ROCK2: variants seen among roughly 807,000 people sequenced by gnomAD.
The protein encoded by ROCK2 is Rho associated coiled-coil containing protein kinase 2, also known as rho-associated protein kinase 2.
ROCK2 carries 61 observed loss-of-function variants against 195.1 expected under a neutral mutation model. The observed-to-expected ratio is 0.31, with a 90% CI of 0.25 to 0.39. The LOEUF is 0.39. Ranked by LOEUF, ROCK2 falls within the 10% of genes least tolerant of loss-of-function variation. The probability of loss-of-function intolerance (pLI) is 1.00; values close to 1 mark genes in which losing one functional copy is unlikely to be tolerated. For synonymous variants in ROCK2, 504 were observed against 545.5 expected (o/e 0.92, Z 1.06); for missense variants, 1,109 against 1,637.4 (o/e 0.68, Z 5.57).
Position 11,221,471 on chromosome 2 carries a change from C to T in ROCK2, c.1100-114G>A, listed in dbSNP as rs149109878. 19 of 697,690 alleles carry T rather than the reference C, an allele frequency of 2.7e-5. No individual in the cohort carries two copies. The East Asian group carries it at 5.6e-4, about 21-fold the overall frequency. The allele number at this position is 697,690 out of a possible 1,614,324, so 43.2% of individuals were successfully genotyped here. Reference sequence around the variant, plus strand: ...ATAACACTATATAAATTTGTAGCAGCGCATTTGCCATTTTATCGATTCACA... The same window carrying T: ...ATAACACTATATAAATTTGTAGCAGTGCATTTGCCATTTTATCGATTCACA... On this transcript the variant is annotated intron_variant, in intron 8 of 32. Transcript: ENST00000315872.
At chr2:11,314,538 T>G (rs777322340) in intron 1 of ROCK2, among the ~76,000 whole-genome samples, 1 of 151,986 alleles carries the variant, frequency 6.6e-6, no homozygotes, top group African/African-American at 2.4e-5. Flanking sequence ...CAAAACCCAG[T>G]AAGTTTAGGA....
At chr2:11,321,818 GATAA>G (rs1459994943) in intron 1 of ROCK2, among the ~76,000 whole-genome samples, 3 of 152,192 alleles carry the variant, frequency 2.0e-5, no homozygotes, top group South Asian at 2.1e-4. Flanking sequence ...TTTAAAAATA[GATAA>G]ATAGATGGAT....
At chr2:11,193,627 C>A in intron 30 of ROCK2, 152 bp downstream of exon 30, 1 of 414,040 alleles carries the variant, frequency 2.4e-6, no homozygotes, top group Admixed American at 4.4e-5. Context: ...CACAAAGCAA[C>A]AAACCATCTT....
chr2:11,332,640 T>C (rs1668806710), intron 1 of ROCK2, among the ~76,000 whole-genome samples: 1 of 152,218 alleles, frequency 6.6e-6, no homozygotes, highest in African/African-American at 2.4e-5. Flanking sequence ...TATACATTTC[T>C]AGTGAGAATG....
At chr2:11,196,080 C>T (rs1400783367) in intron 27 of ROCK2, among the ~76,000 whole-genome samples, 3 of 152,128 alleles carry the variant, frequency 2.0e-5, no homozygotes, top group Non-Finnish European at 2.9e-5. Context: ...ATGCTTTACA[C>T]AAATTCTCTT....
intron 3 of ROCK2, among the ~76,000 whole-genome samples, chr2:11,255,587 A>G (rs1666000476): frequency 6.6e-6 from 1 of 151,154 alleles, no homozygotes; most frequent in African/African-American, 2.5e-5. Context: ...GAAATAAAAT[A>G]TAGTCTTAAT....
chr2:11,256,388 G>A (rs993425614), intron 3 of ROCK2, among the ~76,000 whole-genome samples: 1 of 151,074 alleles, frequency 6.6e-6, no homozygotes, highest in Non-Finnish European at 1.5e-5. Flanking sequence ...CTCTGGCCAC[G>A]TAAGACGTGC....
intron 1 of ROCK2, among the ~76,000 whole-genome samples, chr2:11,295,988 G>C (rs1349223984): frequency 2.3e-5 from 1 of 43,752 alleles, no homozygotes; most frequent in African/African-American, 6.0e-5. Context: ...GAGAGAGAGA[G>C]AGGAGAGAGA....
chr2:11,343,583 C>A (rs1004679030), intron 1 of ROCK2, among the ~76,000 whole-genome samples: 3 of 152,210 alleles, frequency 2.0e-5, no homozygotes, highest in Non-Finnish European at 4.4e-5. Context: ...TGAGTACTCG[C>A]AACAGGGACA....
At chr2:11,193,655 TA>T in intron 30 of ROCK2, 123 bp downstream of exon 30, 1 of 481,914 alleles carries the variant, frequency 2.1e-6, no homozygotes, top group Non-Finnish European at 3.7e-6. Flanking sequence ...GACTGAAACA[TA>T]AAGGTAACCT....
At chr2:11,193,889 A>G in intron 29 of ROCK2, 32 bp from the exon 30 acceptor site, 1 of 1,215,852 alleles carries the variant, frequency 8.2e-7, no homozygotes, top group Admixed American at 1.8e-5. Flanking sequence ...GGAATAAAAT[A>G]TCACCCAAGG....
chr2:11,318,092 C>T (rs1270402215), intron 1 of ROCK2, among the ~76,000 whole-genome samples: 4 of 152,178 alleles, frequency 2.6e-5, no homozygotes, highest in South Asian at 4.2e-4. Context: ...TGTGTCTTTA[C>T]AGCAGCATGA....
chr2:11,253,614 G>A lies in ROCK2; in HGVS notation c.325-3816C>T, dbSNP rs143872325. On this transcript the variant is annotated intron_variant, in intron 3 of 32. Coordinates refer to ENST00000315872, the MANE Select transcript of ROCK2 (RefSeq NM_004850.5). ...CATAGTGGAATGTAAATTCAACAAG[G>A]ATGGGGATTATGCATGCCTATTTTG... is the stretch of plus-strand genomic sequence containing the variant. 6.6e-3 allele frequency among the ~76,000 whole-genome samples: 1,004 copies of A among 152,348 alleles called. 4 individuals carry two copies. Among genetic ancestry groups the A allele is most frequent in the Middle Eastern group, 0.044 (13 of 294 alleles).
chr2:11,208,135 TC>T (rs1664120847), intron 19 of ROCK2, 151 bp downstream of exon 19: 1 of 428,052 alleles, frequency 2.3e-6, no homozygotes, highest in African/African-American at 2.0e-5. Flanking sequence ...AAATTATGAT[TC>T]CTTTAGTATA....
intron 4 of ROCK2, among the ~76,000 whole-genome samples, chr2:11,247,065 G>A (rs1424446060): frequency 6.6e-6 from 1 of 152,176 alleles, no homozygotes; most frequent in East Asian, 1.9e-4. Flanking sequence ...ATGAATGAAT[G>A]AATGTCAAAA....
At chr2:11,246,671 G>A (rs1037358987) in intron 4 of ROCK2, among the ~76,000 whole-genome samples, 10 of 151,932 alleles carry the variant, frequency 6.6e-5, no homozygotes, top group Non-Finnish European at 1.5e-4. Context: ...TATTACTGTG[G>A]CTAATTTATA....
chr2:11,234,983 A>T (rs1030182862), intron 5 of ROCK2, among the ~76,000 whole-genome samples: 14 of 152,180 alleles, frequency 9.2e-5, no homozygotes, highest in Admixed American at 9.2e-4. Context: ...AAAAGATGAA[A>T]TACAGTTTGC....
rs1663669325 is a variant in ROCK2 at position 11,197,134 on chromosome 2, T to C, written c.3448+46A>G. On this transcript the variant is annotated intron_variant, in intron 27 of 32. Coordinates refer to ENST00000315872, the MANE Select transcript of ROCK2 (RefSeq NM_004850.5). The surrounding 1 kb of genome is among the most constrained non-coding windows in gnomAD (Gnocchi z 4.9). The stretch of plus-strand genomic sequence containing the variant: ...AGTCGCAAGACTTAAAACAATCAAC[T>C]GATTTATATTTAAGATAAATATTAG... 1 of 1,372,812 alleles carries C rather than the reference T, an allele frequency of 7.3e-7. No homozygotes were observed. The highest frequency in any genetic ancestry group is 9.8e-7 in the Non-Finnish European group (1 of 1,018,928). The allele number at this position is 1,372,812 out of a possible 1,614,324, so 85.0% of individuals were successfully genotyped here.
chr2:11,220,444 T>C (rs1048665021), intron 9 of ROCK2, among the ~76,000 whole-genome samples: 3 of 152,174 alleles, frequency 2.0e-5, no homozygotes, highest in Admixed American at 2.0e-4. Context: ...TCACCACACC[T>C]GGCCTCAACA....
Sources: gnomAD v4.1 joint callset for allele counts (sites outside exome capture counted in the v4.1 genomes callset) on GRCh38, gnomAD v4.1.1 for gene constraint, Gnocchi (gnomAD v3.1) non-coding constraint, MANE v1.5 for transcripts, NCBI Gene and HGNC (gene_info 2026-07-23, HGNC 2026-07-21) for gene names.